The following FBRSL1 variants were observed in gnomAD, a reference collection of about 807,000 sequenced individuals.
The protein encoded by FBRSL1 is fibrosin like 1, also known as fibrosin-1-like protein.
Under a neutral mutation model 89.6 loss-of-function variants are expected in FBRSL1, and 51 were observed. That is an observed-to-expected ratio of 0.57 (90% confidence interval 0.45 to 0.72). The LOEUF (loss-of-function observed/expected upper bound fraction) is 0.72, where lower values mean the gene tolerates loss of function less well. FBRSL1 is among the 30% of genes least tolerant of loss of function. FBRSL1 has a pLI of 0.00. For missense variants in FBRSL1, 1,618 were observed against 1,451.8 expected (o/e 1.11, Z -1.86); for synonymous variants, 779 against 681.1 (o/e 1.14, Z -2.24).
chr12:132,505,801 G>T (rs2033613363), intron 1 of FBRSL1, among the ~76,000 whole-genome samples: 1 of 152,226 alleles, frequency 6.6e-6, no homozygotes, highest in African/African-American at 2.4e-5. Flanking sequence ...GCCCCGGAGT[G>T]ACCAGCAGAG....
intron 1 of FBRSL1, among the ~76,000 whole-genome samples, chr12:132,503,114 C>T (rs1185898920): frequency 6.7e-6 from 1 of 149,006 alleles, no homozygotes; most frequent in African/African-American, 2.5e-5. Context: ...CCGCCTCCCA[C>T]CCCACCCCCC....
At chr12:132,578,206 G>A (rs180876166) in intron 15 of FBRSL1, among the ~76,000 whole-genome samples, 17 of 152,314 alleles carry the variant, frequency 1.1e-4, no homozygotes, top group Admixed American at 2.6e-4. Context: ...ATGACCAGGC[G>A]TGGTGGCGCA....
intron 1 of FBRSL1, chr12:132,507,155 G>C: frequency 1.0e-6 from 1 of 978,764 alleles, no homozygotes. Context: ...GTGGCCCTCC[G>C]TGGGGGCGGA....
chr12:132,520,979 C>T (rs1032803410), intron 2 of FBRSL1, among the ~76,000 whole-genome samples: 28 of 152,242 alleles, frequency 1.8e-4, no homozygotes, highest in African/African-American at 5.3e-4. Flanking sequence ...GTGTTGTGGA[C>T]GAAAGCAGCC....
rs1326297334 is a variant in FBRSL1, at chr12:132,529,693, C to T, written c.615+1705C>T. Among the ~76,000 whole-genome samples the T allele has an allele frequency of 1.8e-4, 27 of 151,830 alleles. 1 individual carries two copies. The highest frequency in any genetic ancestry group is 1.8e-3 in the Admixed American group (27 of 15,264). ...CTGGGCTCGGCTCTGCACCCCTGGG[C>T]TCTGCCCCCCTGGGCTCTTCTCTGC... is the stretch of plus-strand genomic sequence containing the variant. On this transcript the variant is annotated intron_variant, in intron 4 of 18. Coordinates refer to ENST00000680143, the MANE Select transcript of FBRSL1 (RefSeq NM_001367871.1).
chr12:132,569,530 G>A (rs980240021), intron 6 of FBRSL1, among the ~76,000 whole-genome samples: 6 of 152,180 alleles, frequency 3.9e-5, no homozygotes, highest in African/African-American at 7.2e-5. Flanking sequence ...CCTAGCTCCC[G>A]TGTTCAAATC....
chr12:132,524,187 G>A (rs765285692), intron 2 of FBRSL1, among the ~76,000 whole-genome samples: 4 of 152,254 alleles, frequency 2.6e-5, no homozygotes, highest in Admixed American at 6.5e-5. Context: ...AGGAAGAGCC[G>A]GGCAGCCTGG....
rs977930536 is a variant in FBRSL1 at position 132,581,791 on chromosome 12, C to A, written c.1963C>A (p.His655Asn). Residue 655 changes from histidine (H) to asparagine (N), a missense_variant, in exon 17 of 19, where the codon CAC becomes AAC. Physicochemically the swap from His to Asn is moderately conservative, Grantham distance 68. Coordinates refer to ENST00000680143, the MANE Select transcript of FBRSL1 (RefSeq NM_001367871.1). The stretch of plus-strand genomic sequence containing the variant: ...TGGGGGCCTGGGCAGCCTGAGCAGC[C>A]ACGCCTTTGGGGGCCTGGGCAGCCA... ...TFGGLGSLSS[H>N]AFGGLGSHAL... 6.5e-7 allele frequency: 1 copy of A among 1,549,138 alleles called. No individual in the cohort carries two copies. The highest frequency in any genetic ancestry group is 8.7e-7 in the Non-Finnish European group (1 of 1,146,288).
At position 132,530,186 on chromosome 12, in the gene FBRSL1, G is replaced by A. The variant is rs532062017; in HGVS notation, c.615+2198G>A. Reference sequence around the variant, plus strand: ...ATCATGAGTTTGATGACACTCCTCCGCCCTTCTCTGGGCAGTGTCCTGACA... The same window carrying A: ...ATCATGAGTTTGATGACACTCCTCCACCCTTCTCTGGGCAGTGTCCTGACA... On this transcript the variant is annotated intron_variant, in intron 4 of 18. Transcript: ENST00000680143. 1.4e-3 allele frequency among the ~76,000 whole-genome samples: 211 copies of A among 152,196 alleles called. 1 individual carries two copies. The highest frequency in any genetic ancestry group is 4.6e-3 in the African/African-American group (191 of 41,510).
chr12:132,543,855 C>T (rs1201517540), intron 4 of FBRSL1, among the ~76,000 whole-genome samples: 2 of 152,246 alleles, frequency 1.3e-5, no homozygotes, highest in Admixed American at 6.5e-5. Flanking sequence ...CTCTCACACC[C>T]AGCCCGGGAT....
chr12:132,580,793 C>G (rs1175986802), intron 15 of FBRSL1: 1 of 985,320 alleles, frequency 1.0e-6, no homozygotes, highest in Non-Finnish European at 1.2e-6. Context: ...TGGTCTTTAC[C>G]AGAAACCTGC....
intron 1 of FBRSL1, among the ~76,000 whole-genome samples, chr12:132,498,167 T>C (rs2032358631): frequency 6.6e-6 from 1 of 152,158 alleles, no homozygotes; most frequent in Non-Finnish European, 1.5e-5. Flanking sequence ...CGTCCAGATC[T>C]GTCAAGCCCC....
chr12:132,522,185 C>T (rs1010592398), intron 2 of FBRSL1, among the ~76,000 whole-genome samples: 80 of 152,270 alleles, frequency 5.3e-4, no homozygotes, highest in Middle Eastern at 3.4e-3. Context: ...TGCTGGCTCC[C>T]GTCTCTCTGG....
At chr12:132,549,020 T>C (rs1439852534) in intron 5 of FBRSL1, among the ~76,000 whole-genome samples, 8 of 152,088 alleles carry the variant, frequency 5.3e-5, no homozygotes, top group African/African-American at 1.9e-4. Context: ...CTGTCTGGGC[T>C]GTGGGGTCTC....
At position 132,527,112 on chromosome 12, in the gene FBRSL1, G is replaced by C. The variant is rs538324756; in HGVS notation, c.580-841G>C. Among the ~76,000 whole-genome samples the C allele has an allele frequency of 6.6e-5, 10 of 151,384 alleles. No individual in the cohort carries two copies. In the South Asian group the frequency reaches 2.1e-3, roughly 31 times the overall value. ...CCCCCAGCCCCAACCCCCACCACCT[G>C]TCAGGCCCCTGTGGTGAACCCTCCT... On this transcript the variant is annotated intron_variant, in intron 3 of 18. Transcript: ENST00000680143.
rs189535222 is a variant in FBRSL1, at chr12:132,579,430, G to C, written c.1835-2009G>C. Among the ~76,000 whole-genome samples the C allele has an allele frequency of 4.3e-4, 66 of 152,304 alleles. 1 individual carries two copies. Among genetic ancestry groups the C allele is most frequent in the Admixed American group, 4.3e-3 (66 of 15,294 alleles). On this transcript the variant is annotated intron_variant, in intron 15 of 18. Transcript: ENST00000680143. Reference sequence around the variant, plus strand: ...CTAATATTATGATTGGAATTTGTAAGTTACATTCTTAAGCTGTTGCTAGAA... The same window carrying C: ...CTAATATTATGATTGGAATTTGTAACTTACATTCTTAAGCTGTTGCTAGAA...
At chr12:132,509,530 C>G (rs1432496126) in intron 2 of FBRSL1, 2 of 1,234,504 alleles carry the variant, frequency 1.6e-6, no homozygotes, top group Admixed American at 8.4e-5. Context: ...CTCCCAGGCC[C>G]CAGGCAGTGC....
Position 132,583,483 on chromosome 12 carries a change from C to A in FBRSL1, c.2714C>A (p.Ala905Glu). 9.5e-7 allele frequency: 1 copy of A among 1,050,820 alleles called. No individual in the cohort carries two copies. The highest frequency in any genetic ancestry group is 1.1e-6 in the Non-Finnish European group (1 of 871,260). 65.1% of individuals were successfully genotyped at this position (1,050,820 alleles called of 1,614,324 possible). The change falls in exon 19 of 19, where the codon GCG becomes GAG. Residue 905 changes from alanine to glutamate, a missense_variant. Transcript: ENST00000680143. Reference protein sequence around the residue: ...PERLRGELERARAPHLPPAAP... With the variant: ...PERLRGELERERAPHLPPAAP... ...CGCCTGCGCGGGGAGCTGGAGCGCGCGCGGGCCCCGCACCTGCCGCCCGCC... is the reference window on the plus strand; with the variant it reads ...CGCCTGCGCGGGGAGCTGGAGCGCGAGCGGGCCCCGCACCTGCCGCCCGCC...
rs567208024 is a variant in FBRSL1, at chr12:132,555,731, A to G, written c.645+7699A>G. Among the ~76,000 whole-genome samples the G allele has an allele frequency of 2.6e-5, 4 of 152,256 alleles. No individual in the cohort carries two copies. In the South Asian group the frequency reaches 8.3e-4, roughly 32 times the overall value. ...TATCTCTGCCCCTGTCCGTCCTCAC[A>G]TGGCCCCTCCTGTGTGTGTGTCTTT... On this transcript the variant is annotated intron_variant, in intron 5 of 18. Coordinates refer to ENST00000680143, the MANE Select transcript of FBRSL1 (RefSeq NM_001367871.1).
Sources: allele counts gnomAD v4.1 joint callset (sites outside exome capture counted in the v4.1 genomes callset), GRCh38; gene constraint gnomAD v4.1.1; transcripts MANE v1.5; gene names NCBI Gene and HGNC (gene_info 2026-07-23, HGNC 2026-07-21).